The following RAB33B variants were observed in gnomAD, a reference collection of about 807,000 sequenced individuals.
RAB33B encodes the protein RAB33B, member RAS oncogene family, also known as ras-related protein Rab-33B.
Under a neutral mutation model 15.0 loss-of-function variants are expected in RAB33B, and 6 were observed. The ratio of observed to expected loss-of-function variants is 0.40; its 90% CI spans 0.22 to 0.79. The LOEUF (loss-of-function observed/expected upper bound fraction) is 0.79. RAB33B is among the 30% of genes least tolerant of loss of function. The probability of loss-of-function intolerance (pLI) is 0.37; values close to 1 mark genes in which losing one functional copy is unlikely to be tolerated. For synonymous variants in RAB33B, 117 were observed against 108.3 expected (o/e 1.08, Z -0.50); for missense variants, 257 against 296.4 (o/e 0.87, Z 0.98).
chr4:139,442,187 T>C, the RAB33B span, among the ~76,000 whole-genome samples: 1 of 152,214 alleles, frequency 6.6e-6, no homozygotes, highest in Non-Finnish European at 1.5e-5. Context: ...ATTTTTTGGG[T>C]GTAATTTTAA....
intron 1 of RAB33B, among the ~76,000 whole-genome samples, chr4:139,464,811 CA>C (rs1750250115): frequency 6.6e-6 from 1 of 152,098 alleles, no homozygotes; most frequent in South Asian, 2.1e-4. Flanking sequence ...GGGTTGGTTC[CA>C]AGTCTTTGCT....
chr4:139,459,974 G>A (rs1201500469), intron 1 of RAB33B, among the ~76,000 whole-genome samples: 1 of 152,168 alleles, frequency 6.6e-6, no homozygotes, highest in African/African-American at 2.4e-5. Context: ...AGGGAAAAGT[G>A]TTGAATATAT....
chr4:139,472,364 G>C (rs1261394752), intron 1 of RAB33B, among the ~76,000 whole-genome samples: 1 of 152,168 alleles, frequency 6.6e-6, no homozygotes, highest in Non-Finnish European at 1.5e-5. Flanking sequence ...TGCTTAACAT[G>C]TTAACACCTG....
chr4:139,470,861 A>G (rs1028880711), intron 1 of RAB33B, among the ~76,000 whole-genome samples: 3 of 151,896 alleles, frequency 2.0e-5, no homozygotes, highest in Admixed American at 1.3e-4. Flanking sequence ...GGGCCTCACA[A>G]CTCTGACCAG....
At chr4:139,467,253 G>A (rs781330022) in intron 1 of RAB33B, among the ~76,000 whole-genome samples, 2 of 140,474 alleles carry the variant, frequency 1.4e-5, no homozygotes, top group Non-Finnish European at 3.0e-5. Flanking sequence ...ACAGGGATGA[G>A]CCACTGTGCC....
rs1485833124 is a variant in RAB33B at position 139,460,330 on chromosome 4, ATGAAGT to A, written c.249+5894_249+5899del. ...GCACACAGGAGAAATAATTATGCAC[ATGAAGT>A]TGAAGTTTGGAAGCACGGATAGAAC... is the stretch of plus-strand genomic sequence containing the variant. On this transcript the variant is annotated intron_variant, in intron 1 of 1. Coordinates refer to ENST00000305626, the MANE Select transcript of RAB33B (RefSeq NM_031296.3). Among the ~76,000 whole-genome samples the A allele has an allele frequency of 1.4e-4, 21 of 152,364 alleles. No homozygotes were observed. In the East Asian group the frequency reaches 4.1e-3, roughly 29 times the overall value.
chr4:139,460,418 G>A (rs1750151633), intron 1 of RAB33B, among the ~76,000 whole-genome samples: 1 of 152,082 alleles, frequency 6.6e-6, no homozygotes, highest in African/African-American at 2.4e-5. Flanking sequence ...ATTTTTTTAT[G>A]GCATGATGAA....
At chr4:139,457,458 C>T (rs750357489) in intron 1 of RAB33B, among the ~76,000 whole-genome samples, 1 of 152,154 alleles carries the variant, frequency 6.6e-6, no homozygotes, top group Non-Finnish European at 1.5e-5. Context: ...TGTATTTAAT[C>T]CGGCCTCCCA....
At chr4:139,452,097 T>G (rs1749937554), upstream of RAB33B, 1 of 152,198 alleles carries the variant, frequency 6.6e-6, no homozygotes. Flanking sequence ...TTTTTAAAAT[T>G]TAAGTAGGGC....
intron 1 of RAB33B, among the ~76,000 whole-genome samples, chr4:139,462,274 C>T (rs188068491): frequency 5.3e-5 from 8 of 151,922 alleles, no homozygotes; most frequent in South Asian, 4.1e-4. Context: ...AGGATGGTCT[C>T]GATCTCCTGA....
rs1750428574 is a variant in RAB33B, at chr4:139,473,304, A to G, written c.*178A>G. ...AAGTTTGTCACTGTGACAACACAGG[A>G]AAAGTTGGTTTTCAGGTGAGATTGA... On this transcript the variant is annotated 3_prime_UTR_variant, in exon 2 of 2. Coordinates refer to ENST00000305626, the MANE Select transcript of RAB33B (RefSeq NM_031296.3). 3.3e-5 allele frequency: 20 copies of G among 614,132 alleles called. No homozygotes were observed. In the East Asian group the frequency reaches 5.7e-4, roughly 17 times the overall value. 38.0% of individuals were successfully genotyped at this position (614,132 alleles called of 1,614,324 possible).
At chr4:139,465,613 G>A (rs1185955772) in intron 1 of RAB33B, among the ~76,000 whole-genome samples, 1 of 152,116 alleles carries the variant, frequency 6.6e-6, no homozygotes, top group Non-Finnish European at 1.5e-5. Context: ...CATATGGCTG[G>A]CCAGTTTTCC....
upstream of RAB33B, chr4:139,449,861 C>G (rs1305243258): frequency 6.6e-6 from 1 of 152,092 alleles, no homozygotes; most frequent in Non-Finnish European, 1.5e-5. Flanking sequence ...CATGATTGCA[C>G]TTTTTACATA....
upstream of RAB33B, chr4:139,450,868 A>G (rs965902673): frequency 2.0e-5 from 3 of 151,520 alleles, no homozygotes; most frequent in African/African-American, 4.9e-5. Flanking sequence ...CTTATTTTGT[A>G]TATAAGATTA....
At chr4:139,463,526 A>G (rs1750213248) in intron 1 of RAB33B, among the ~76,000 whole-genome samples, 1 of 152,256 alleles carries the variant, frequency 6.6e-6, no homozygotes. Flanking sequence ...ATATTTAAGT[A>G]TTAAATTGGG....
chr4:139,454,239 C>T lies in RAB33B; in HGVS notation c.44C>T (p.Ser15Phe). 1 of 1,614,056 alleles carries T rather than the reference C, an allele frequency of 6.2e-7. No homozygotes were observed. Among genetic ancestry groups the T allele is most frequent in the Non-Finnish European group, 8.5e-7 (1 of 1,179,964 alleles). Residue 15 changes from serine to phenylalanine, a missense_variant, in exon 1 of 2, where the codon TCC becomes TTC. Physicochemically the swap from Ser to Phe is radical, Grantham distance 155 (BLOSUM62 -2). Coordinates refer to ENST00000305626, the MANE Select transcript of RAB33B (RefSeq NM_031296.3). ...MESSLEASFSSSGAVSGASGF... is the reference protein window; with the variant it reads ...MESSLEASFSFSGAVSGASGF... ...TCGTCGCTCGAGGCAAGCTTTTCGT[C>T]CAGCGGGGCAGTGTCAGGGGCCTCA...
In RAB33B at chr4:139,474,250, G is replaced by C. The variant is rs1361936515; in HGVS notation, c.*1124G>C. Reference sequence around the variant, plus strand: ...TATTAAAATATGCAAAAATAAGTCAGATTTTAAGGCAAATAAAGTGACATA... The same window carrying C: ...TATTAAAATATGCAAAAATAAGTCACATTTTAAGGCAAATAAAGTGACATA... On this transcript the variant is annotated 3_prime_UTR_variant, in exon 2 of 2. Coordinates refer to ENST00000305626, the MANE Select transcript of RAB33B (RefSeq NM_031296.3). 2 of 152,062 alleles carry C rather than the reference G, an allele frequency of 1.3e-5. No individual in the cohort carries two copies. Among genetic ancestry groups the C allele is most frequent in the African/African-American group, 4.8e-5 (2 of 41,400 alleles). 9.4% of individuals were successfully genotyped at this position (152,062 alleles called of 1,614,324 possible). A position where few individuals can be genotyped will look rare whatever the true frequency, so the allele number is the denominator to read the frequency against.
chr4:139,454,810 C>T (rs543255041), intron 1 of RAB33B, among the ~76,000 whole-genome samples: 8 of 151,942 alleles, frequency 5.3e-5, no homozygotes, highest in Non-Finnish European at 1.0e-4. Context: ...CAAATATGAA[C>T]GGAGGAAAAA....
At chr4:139,439,756 T>A in the RAB33B span, among the ~76,000 whole-genome samples, 1 of 152,178 alleles carries the variant, frequency 6.6e-6, no homozygotes. Flanking sequence ...TAATTTCCAT[T>A]ATCCTCTCTT....
Sources: gnomAD v4.1 joint callset for allele counts (sites outside exome capture counted in the v4.1 genomes callset) on GRCh38, gnomAD v4.1.1 for gene constraint, MANE v1.5 for transcripts, NCBI Gene and HGNC (gene_info 2026-07-23, HGNC 2026-07-21) for gene names.